The following MYH15 variants were observed in gnomAD, a reference collection of about 807,000 sequenced individuals.
MYH15 encodes myosin heavy chain 15, also known as myosin-15.
A neutral mutation model predicts 240.5 loss-of-function variants in MYH15; 227 were observed. The observed-to-expected ratio is 0.94, with a 90% CI of 0.85 to 1.05. MYH15 has a LOEUF of 1.05. Among genes scored for constraint, MYH15 ranks in the 50% least tolerant of loss-of-function variants. The probability of loss-of-function intolerance (pLI) is 0.00; values close to 1 mark genes in which losing one functional copy is unlikely to be tolerated. For missense variants in MYH15, 2,217 were observed against 2,247.5 expected (o/e 0.99, Z 0.27); for synonymous variants, 785 against 796.7 (o/e 0.99, Z 0.25).
chr3:108,516,650 G>GA (rs1369719187), intron 1 of MYH15, among the ~76,000 whole-genome samples: 1 of 152,108 alleles, frequency 6.6e-6, no homozygotes, highest in Non-Finnish European at 1.5e-5. Flanking sequence ...TTCCTCCATA[G>GA]AAAATCTTAA....
intron 13 of MYH15, 47 bp downstream of exon 13, chr3:108,470,651 T>A: frequency 6.3e-7 from 1 of 1,594,400 alleles, no homozygotes; most frequent in East Asian, 2.2e-5. Flanking sequence ...CGTTTTCTAA[T>A]CTTCTTATAA....
At chr3:108,441,751 CAT>C (rs2082886754) in intron 22 of MYH15, among the ~76,000 whole-genome samples, 1 of 152,180 alleles carries the variant, frequency 6.6e-6, no homozygotes. Context: ...TGAGCTGAGT[CAT>C]ATGTTTTTTA....
At chr3:108,466,526 C>T (rs1225982831) in intron 14 of MYH15, among the ~76,000 whole-genome samples, 1 of 152,126 alleles carries the variant, frequency 6.6e-6, no homozygotes, top group East Asian at 1.9e-4. Context: ...CTCAAAAGTT[C>T]CCTTTCTGTT....
chr3:108,484,742 A>G (rs1478658031), intron 11 of MYH15, among the ~76,000 whole-genome samples: 1 of 152,002 alleles, frequency 6.6e-6, no homozygotes, highest in Non-Finnish European at 1.5e-5. Flanking sequence ...GGCCTCCCCA[A>G]GTGCTGGGAT....
Position 108,502,925 on chromosome 3 carries a change from C to A in MYH15, c.196-1070G>T, listed in dbSNP as rs181852766. Among the ~76,000 whole-genome samples, 56 of 152,266 alleles carry A rather than the reference C, an allele frequency of 3.7e-4. 1 individual carries two copies. In the East Asian group the frequency reaches 0.011, roughly 29 times the overall value. Reference sequence around the variant, plus strand: ...AACGTAAACATATCTCATACATCTTCAAAAACCTCCCCTTTTCCCTAATTC... The same window carrying A: ...AACGTAAACATATCTCATACATCTTAAAAAACCTCCCCTTTTCCCTAATTC... On this transcript the variant is annotated intron_variant, in intron 2 of 40. Transcript: ENST00000693548.
intron 1 of MYH15, among the ~76,000 whole-genome samples, chr3:108,517,313 T>C (rs1315817839): frequency 2.6e-5 from 4 of 152,178 alleles, no homozygotes; most frequent in African/African-American, 9.7e-5. Flanking sequence ...CTATTCGCTA[T>C]TGATCCAGAG....
chr3:108,527,515 A>G (rs1232049840), intron 1 of MYH15, among the ~76,000 whole-genome samples: 1 of 152,098 alleles, frequency 6.6e-6, no homozygotes, highest in African/African-American at 2.4e-5. Flanking sequence ...TGTTATTCTA[A>G]TAGAGTTTAA....
chr3:108,522,214 T>TCAA (rs1447569794), intron 1 of MYH15, among the ~76,000 whole-genome samples: 1 of 151,930 alleles, frequency 6.6e-6, no homozygotes, highest in Non-Finnish European at 1.5e-5. Flanking sequence ...TGTGGTTCTA[T>TCAA]CAACAACAAC....
rs6770318 is a variant in MYH15 at position 108,467,011 on chromosome 3, A to G, written c.1555-2197T>C. On this transcript the variant is annotated intron_variant, in intron 14 of 40. Transcript: ENST00000693548. ...GCCTCTGTTTTAAGGCTTATTTCCAATAATACTAGAAGTTCCTGGAGTGCC... is the reference window on the plus strand; with the variant it reads ...GCCTCTGTTTTAAGGCTTATTTCCAGTAATACTAGAAGTTCCTGGAGTGCC... 7.5e-3 allele frequency among the ~76,000 whole-genome samples: 1,137 copies of G among 152,246 alleles called. 13 individuals carry two copies. Among genetic ancestry groups the G allele is most frequent in the African/African-American group, 0.022 (908 of 41,546 alleles).
chr3:108,507,941 G>T (rs966418890), intron 1 of MYH15, among the ~76,000 whole-genome samples: 1 of 152,164 alleles, frequency 6.6e-6, no homozygotes, highest in African/African-American at 2.4e-5. Context: ...TAAACCAAAT[G>T]TTATCACTTG....
chr3:108,430,784 C>A (rs924187471), intron 26 of MYH15, 48 bp downstream of exon 26: 1 of 1,409,106 alleles, frequency 7.1e-7, no homozygotes, highest in South Asian at 1.2e-5. Flanking sequence ...CCAGTCATCA[C>A]CCATGGATCT....
At chr3:108,539,953 T>C in the MYH15 span, among the ~76,000 whole-genome samples, 3 of 152,120 alleles carry the variant, frequency 2.0e-5, no homozygotes, top group African/African-American at 7.2e-5. Context: ...TTTTTAAAGC[T>C]AGAATAATAC....
chr3:108,423,392 G>C (rs553747427), intron 27 of MYH15, among the ~76,000 whole-genome samples: 2 of 152,322 alleles, frequency 1.3e-5, no homozygotes, highest in East Asian at 3.9e-4. Context: ...AAGCTTGGTA[G>C]AAACAGACTT....
chr3:108,467,273 T>C (rs140586952), intron 14 of MYH15, among the ~76,000 whole-genome samples: 3 of 151,496 alleles, frequency 2.0e-5, no homozygotes, highest in Non-Finnish European at 2.9e-5. Flanking sequence ...AGAATACTCA[T>C]GTGCATACAA....
the MYH15 span, chr3:108,543,911 G>A: frequency 6.7e-6 from 1 of 149,116 alleles, no homozygotes; most frequent in Non-Finnish European, 1.5e-5. Flanking sequence ...GAGAACGGTT[G>A]GCTGGAAAGG....
intron 7 of MYH15, among the ~76,000 whole-genome samples, chr3:108,495,123 C>T (rs574676209): frequency 6.6e-6 from 1 of 152,252 alleles, no homozygotes; most frequent in South Asian, 2.1e-4. Flanking sequence ...TTTAATTATG[C>T]CCGGAGACTC....
Position 108,470,775 on chromosome 3 carries a change from T to G in MYH15, c.1306A>C (p.Asn436His). ...GACAGCTTGGCATCCAGGGCCCTGT[T>G]GATCCGTGCCACTAGCCACTTAAAC... Reference protein sequence around the residue: ...RMFKWLVARINRALDAKLSRQ... With the variant: ...RMFKWLVARIHRALDAKLSRQ... Residue 436 changes from asparagine to histidine, a missense_variant, in exon 13 of 41, where the codon AAC becomes CAC. Physicochemically the swap from Asn to His is moderately conservative, Grantham distance 68 (BLOSUM62 1). Coordinates refer to ENST00000693548, the MANE Select transcript of MYH15 (RefSeq NM_014981.3). 1 of 1,613,880 alleles carries G rather than the reference T, an allele frequency of 6.2e-7. No homozygotes were observed. The highest frequency in any genetic ancestry group is 8.5e-7 in the Non-Finnish European group (1 of 1,179,858).
At chr3:108,422,404 G>A (rs1327305435) in intron 27 of MYH15, among the ~76,000 whole-genome samples, 2 of 152,134 alleles carry the variant, frequency 1.3e-5, no homozygotes, top group Non-Finnish European at 2.9e-5. Flanking sequence ...TTTTAGTAAA[G>A]ATGGGGTTTC....
chr3:108,452,249 C>T (rs2082980105), intron 21 of MYH15, among the ~76,000 whole-genome samples: 1 of 152,052 alleles, frequency 6.6e-6, no homozygotes, highest in African/African-American at 2.4e-5. Flanking sequence ...AGAGAAGTGC[C>T]ACTCAAAGTG....
Sources: gnomAD v4.1 joint callset for allele counts (sites outside exome capture counted in the v4.1 genomes callset) on GRCh38, gnomAD v4.1.1 for gene constraint, MANE v1.5 for transcripts, NCBI Gene and HGNC (gene_info 2026-07-23, HGNC 2026-07-21) for gene names.